Variants in ROBO2 observed in about 807,000 individuals in gnomAD.
The protein encoded by ROBO2 is roundabout homolog 2.
Under a neutral mutation model 160.8 loss-of-function variants are expected in ROBO2, and 53 were observed. The observed-to-expected ratio is 0.33, with a 90% CI of 0.26 to 0.41. The LOEUF (loss-of-function observed/expected upper bound fraction) is 0.41. Among genes scored for constraint, ROBO2 ranks in the 10% least tolerant of loss-of-function variants. The pLI, the probability that ROBO2 is intolerant of heterozygous loss-of-function variation, is 1.00. For missense variants in ROBO2, 1,577 were observed against 1,722.4 expected, an observed-to-expected ratio of 0.92 and a Z score of 1.49; for synonymous variants, 664 against 611.7, an observed-to-expected ratio of 1.09 and a Z score of -1.26.
At position 76,271,887 on chromosome 3, in the gene ROBO2, C is replaced by T. The variant is rs555322289; in HGVS notation, c.109+334285C>T. On this transcript the variant is annotated intron_variant, in intron 2 of 26. Transcript: ENST00000487694. The stretch of plus-strand genomic sequence containing the variant: ...AAATATTTCTGAAGTGACAAACTTG[C>T]TTGTCTCCAGAGACAACTCTGTGTA... Among the ~76,000 whole-genome samples the T allele has an allele frequency of 8.5e-5, 13 of 152,154 alleles. No individual in the cohort carries two copies. In the South Asian group the frequency reaches 2.7e-3, roughly 32 times the overall value.
At chr3:77,535,417 C>T (rs1045123372) in intron 6 of ROBO2, among the ~76,000 whole-genome samples, 3 of 152,012 alleles carry the variant, frequency 2.0e-5, no homozygotes, top group Non-Finnish European at 4.4e-5. Flanking sequence ...TTTACTCCCA[C>T]ACTTACAACT....
At chr3:76,386,682 G>A (rs981646883) in intron 2 of ROBO2, among the ~76,000 whole-genome samples, 4 of 151,902 alleles carry the variant, frequency 2.6e-5, no homozygotes, top group South Asian at 2.1e-4. Context: ...GCTGGGCTAC[G>A]GTATCAAAAA....
At chr3:76,527,986 A>G (rs2082034606) in intron 2 of ROBO2, among the ~76,000 whole-genome samples, 2 of 152,126 alleles carry the variant, frequency 1.3e-5, no homozygotes, top group South Asian at 4.1e-4. Flanking sequence ...AGCAGGAAAG[A>G]GGGTAGAGGT....
At chr3:76,352,056 A>G (rs1160856364) in intron 2 of ROBO2, among the ~76,000 whole-genome samples, 1 of 152,046 alleles carries the variant, frequency 6.6e-6, no homozygotes, top group Non-Finnish European at 1.5e-5. Flanking sequence ...TAAATTACAC[A>G]ATAGCTCAAT....
chr3:76,041,088 A>G (rs1330388656), intron 2 of ROBO2, among the ~76,000 whole-genome samples: 9 of 152,084 alleles, frequency 5.9e-5, no homozygotes, highest in Admixed American at 3.3e-4. Flanking sequence ...ATGCCAAACA[A>G]TCTTTACTAG....
intron 2 of ROBO2, among the ~76,000 whole-genome samples, chr3:76,924,990 C>T (rs1285490483): frequency 1.3e-5 from 2 of 151,832 alleles, no homozygotes; most frequent in East Asian, 1.9e-4. Flanking sequence ...GGGCGGATCA[C>T]GAGGTCAGGA....
intron 2 of ROBO2, among the ~76,000 whole-genome samples, chr3:76,675,585 C>G (rs1338446200): frequency 6.6e-6 from 1 of 152,148 alleles, no homozygotes; most frequent in Non-Finnish European, 1.5e-5. Flanking sequence ...ATGAAGCCTT[C>G]CTAGACTAGG....
chr3:76,272,763 T>C (rs1295871954), intron 2 of ROBO2, among the ~76,000 whole-genome samples: 1 of 45,912 alleles, frequency 2.2e-5, no homozygotes, highest in Non-Finnish European at 4.3e-5. Flanking sequence ...AAATATATAA[T>C]ATATATTTAT....
intron 2 of ROBO2, among the ~76,000 whole-genome samples, chr3:76,250,864 A>G (rs1005319708): frequency 1.3e-5 from 2 of 152,084 alleles, no homozygotes; most frequent in African/African-American, 4.8e-5. Flanking sequence ...TCAAAACATC[A>G]TATTGCATGT....
At chr3:77,090,323 CTTTTTTTTTTTTTTTTT>C (rs542280937) in intron 1 of ROBO2, among the ~76,000 whole-genome samples, 76 of 70,750 alleles carry the variant, frequency 1.1e-3, no homozygotes, top group African/African-American at 4.1e-3. Context: ...CTAAACCACT[CTTTTTTTTTTTTTTTTT>C]TTTTTTTTTT....
Position 76,702,852 on chromosome 3 carries a change from G to A in ROBO2, c.110-395162G>A, listed in dbSNP as rs188179044. Among the ~76,000 whole-genome samples the A allele has an allele frequency of 3.9e-5, 6 of 152,184 alleles. No homozygotes were observed. In the East Asian group the frequency reaches 9.7e-4, roughly 25 times the overall value. ...GTAAGACGAAAGTTGACATACCTGAGCCTCAGCATGTTACTGCTATTGAAA... is the reference window on the plus strand; with the variant it reads ...GTAAGACGAAAGTTGACATACCTGAACCTCAGCATGTTACTGCTATTGAAA... On this transcript the variant is annotated intron_variant, in intron 2 of 26. Coordinates refer to the ROBO2 transcript ENST00000487694.
At chr3:77,219,320 A>G (rs931314893) in intron 2 of ROBO2, among the ~76,000 whole-genome samples, 4 of 150,342 alleles carry the variant, frequency 2.7e-5, no homozygotes, top group African/African-American at 9.8e-5. Context: ...CTTTTCATCC[A>G]TCTAGTAGTT....
chr3:76,145,475 T>G (rs1473988782), intron 2 of ROBO2, among the ~76,000 whole-genome samples: 1 of 152,026 alleles, frequency 6.6e-6, no homozygotes, highest in African/African-American at 2.4e-5. Flanking sequence ...ATAAATTAAC[T>G]ATTCTCCACT....
At chr3:77,273,425 T>C (rs560987115) in intron 2 of ROBO2, among the ~76,000 whole-genome samples, 1 of 152,260 alleles carries the variant, frequency 6.6e-6, no homozygotes, top group South Asian at 2.1e-4. Context: ...CTGGTTATGG[T>C]TCAAAAACAA....
intron 2 of ROBO2, among the ~76,000 whole-genome samples, chr3:77,375,380 A>T (rs945022150): frequency 6.6e-6 from 1 of 152,250 alleles, no homozygotes; most frequent in African/African-American, 2.4e-5. Flanking sequence ...AAGACAGAAC[A>T]TTAAACAGGT....
chr3:76,424,977 A>G (rs968160687), intron 2 of ROBO2, among the ~76,000 whole-genome samples: 1 of 152,132 alleles, frequency 6.6e-6, no homozygotes, highest in Non-Finnish European at 1.5e-5. Flanking sequence ...CACCACACCC[A>G]GGCATGTCTC....
intron 2 of ROBO2, among the ~76,000 whole-genome samples, chr3:76,965,335 T>C (rs1233765415): frequency 6.6e-6 from 1 of 152,162 alleles, no homozygotes; most frequent in African/African-American, 2.4e-5. Flanking sequence ...AATAGGAATG[T>C]GGATGTGTAA....
At chr3:76,791,030 C>A (rs1450948778) in intron 2 of ROBO2, among the ~76,000 whole-genome samples, 2 of 151,754 alleles carry the variant, frequency 1.3e-5, no homozygotes, top group African/African-American at 4.8e-5. Context: ...AGCAAATGTT[C>A]TCTTCTGTTG....
At chr3:77,609,098 A>C (rs572397879) in intron 21 of ROBO2, among the ~76,000 whole-genome samples, 1 of 151,906 alleles carries the variant, frequency 6.6e-6, no homozygotes. Flanking sequence ...TTATATATGT[A>C]TACACACATA....
Sources: gnomAD v4.1 joint callset for allele counts (sites outside exome capture counted in the v4.1 genomes callset) on GRCh38, gnomAD v4.1.1 for gene constraint, MANE v1.5 for transcripts, NCBI Gene and HGNC (gene_info 2026-07-23, HGNC 2026-07-21) for gene names.